GSE1: variants seen among roughly 807,000 people sequenced by gnomAD.
GSE1 encodes Gse1 coiled-coil protein, also known as genetic suppressor element 1.
In GSE1, 32 loss-of-function variants were observed where a neutral mutation model predicts 112.6. The observed-to-expected ratio is 0.28, with a 90% CI of 0.21 to 0.38. The LOEUF (loss-of-function observed/expected upper bound fraction) is 0.38. Ranked by LOEUF, GSE1 falls within the 10% of genes least tolerant of loss-of-function variation. GSE1 has a pLI of 1.00. For synonymous variants in GSE1, 1,115 were observed against 735.6 expected (o/e 1.52, Z -8.35); for missense variants, 2,348 against 1,699.2 (o/e 1.38, Z -6.71).
rs565328397 is a variant in GSE1 at position 85,673,451 on chromosome 16, T to C, written c.*912T>C. ...TGTTTGTTTTTCCTGTTTGGGGGTT[T>C]TGTTTGTTGTTTTGGTTTTTTTTGG... On this transcript the variant is annotated 3_prime_UTR_variant, in exon 16 of 16. Coordinates refer to ENST00000253458, the MANE Select transcript of GSE1 (RefSeq NM_014615.5). The C allele has an allele frequency of 2.0e-5, 3 of 152,036 alleles. No homozygotes were observed. Among genetic ancestry groups the C allele is most frequent in the South Asian group, 2.1e-4 (1 of 4,802 alleles). The allele number at this position is 152,036 out of a possible 1,614,324, so 9.4% of individuals were successfully genotyped here.
intron 2 of GSE1, among the ~76,000 whole-genome samples, chr16:85,647,849 T>C (rs1336300685): frequency 6.6e-6 from 1 of 152,148 alleles, no homozygotes; most frequent in Non-Finnish European, 1.5e-5. Flanking sequence ...CCTCCCAAAG[T>C]GCTGGGATTA....
At chr16:85,322,059 C>T (rs527680309) in intron 1 of GSE1, among the ~76,000 whole-genome samples, 143 of 152,348 alleles carry the variant, frequency 9.4e-4, no homozygotes, top group Middle Eastern at 3.4e-3. Context: ...GTGGAGCCTG[C>T]GTGGGAAGGT....
intron 1 of GSE1, among the ~76,000 whole-genome samples, chr16:85,176,265 C>T (rs1316244146): frequency 3.3e-5 from 5 of 152,224 alleles, no homozygotes; most frequent in Non-Finnish European, 7.3e-5. Context: ...TGTGGGTCTG[C>T]AGTTGTGGAG....
intron 1 of GSE1, among the ~76,000 whole-genome samples, chr16:85,326,798 G>A (rs888051536): frequency 1.3e-5 from 2 of 152,248 alleles, no homozygotes; most frequent in Non-Finnish European, 2.9e-5. Context: ...GCAAGCACGT[G>A]TGGGCACCTA....
intron 1 of GSE1, among the ~76,000 whole-genome samples, chr16:85,248,329 G>C (rs1202395064): frequency 6.6e-6 from 1 of 152,078 alleles, no homozygotes; most frequent in Non-Finnish European, 1.5e-5. Context: ...TCTGTGTCCT[G>C]TGCTGCCATC....
chr16:85,537,587 A>T (rs2044374483), intron 2 of GSE1, among the ~76,000 whole-genome samples: 1 of 152,180 alleles, frequency 6.6e-6, no homozygotes, highest in Admixed American at 6.5e-5. Flanking sequence ...TTCCAGAGCC[A>T]TAGGGCTCAC....
chr16:85,402,607 A>G (rs907071959), intron 2 of GSE1, among the ~76,000 whole-genome samples: 4 of 152,190 alleles, frequency 2.6e-5, no homozygotes, highest in Non-Finnish European at 5.9e-5. Context: ...TGGGCCTGCC[A>G]GTTACCTCTG....
intron 13 of GSE1, among the ~76,000 whole-genome samples, 180 bp from the exon 14 acceptor site, chr16:85,667,960 T>C (rs1422826914): frequency 3.3e-5 from 2 of 60,272 alleles, no homozygotes; most frequent in Non-Finnish European, 6.8e-5. Flanking sequence ...TGTCTCGGAC[T>C]TTCTCAAGTG....
intron 2 of GSE1, among the ~76,000 whole-genome samples, chr16:85,444,230 C>T (rs1219920743): frequency 2.6e-5 from 4 of 152,108 alleles, no homozygotes; most frequent in Non-Finnish European, 5.9e-5. Context: ...GTGACCCTCC[C>T]GCCTCGGCCT....
chr16:85,205,570 C>G (rs1329200679), intron 1 of GSE1, among the ~76,000 whole-genome samples: 1 of 152,008 alleles, frequency 6.6e-6, no homozygotes, highest in Admixed American at 6.5e-5. Context: ...TTTTTCCTTC[C>G]CTAGTTTCCC....
chr16:85,335,768 G>T (rs1309664281), intron 1 of GSE1, among the ~76,000 whole-genome samples: 1 of 152,204 alleles, frequency 6.6e-6, no homozygotes, highest in Non-Finnish European at 1.5e-5. Flanking sequence ...GTCCATTTCG[G>T]AGTTGGGAAC....
intron 1 of GSE1, among the ~76,000 whole-genome samples, chr16:85,619,181 C>T (rs966362415): frequency 6.6e-6 from 1 of 152,186 alleles, no homozygotes; most frequent in Non-Finnish European, 1.5e-5. Context: ...CACATGCACA[C>T]CACTGCCCCC....
At chr16:85,210,391 C>T (rs183387846) in intron 1 of GSE1, among the ~76,000 whole-genome samples, 7 of 152,270 alleles carry the variant, frequency 4.6e-5, no homozygotes, top group Non-Finnish European at 7.4e-5. Flanking sequence ...ATTGCTTGAG[C>T]CCAGGAGTTA....
At chr16:85,298,538 C>T (rs1425625855) in intron 1 of GSE1, among the ~76,000 whole-genome samples, 1 of 152,218 alleles carries the variant, frequency 6.6e-6, no homozygotes. Context: ...AGCAATTCTC[C>T]TGCTTCGGCC....
At chr16:85,330,001 C>A (rs2046305802) in intron 1 of GSE1, among the ~76,000 whole-genome samples, 1 of 152,144 alleles carries the variant, frequency 6.6e-6, no homozygotes, top group South Asian at 2.1e-4. Flanking sequence ...TTTCTGCCCC[C>A]TGGCAGATGC....
At chr16:85,285,692 AAAAAAAAAG>A (rs1336168493) in intron 1 of GSE1, 34 of 153,880 alleles carry the variant, frequency 2.2e-4, no homozygotes, top group African/African-American at 7.9e-4. Flanking sequence ...CAAAAAAAAA[AAAAAAAAAG>A]AAAGAAAGAA....
intron 1 of GSE1, among the ~76,000 whole-genome samples, chr16:85,220,666 T>C (rs1273534006): frequency 6.6e-6 from 1 of 152,212 alleles, no homozygotes; most frequent in Non-Finnish European, 1.5e-5. Flanking sequence ...CGTCTCGCTT[T>C]GTCTCTGTCT....
chr16:85,581,823 G>C (rs890030281), intron 1 of GSE1, among the ~76,000 whole-genome samples: 1 of 152,160 alleles, frequency 6.6e-6, no homozygotes, highest in Admixed American at 6.5e-5. Context: ...GGCTTCCCCT[G>C]CTGAAGTTCC....
intron 1 of GSE1, among the ~76,000 whole-genome samples, chr16:85,336,420 T>G (rs922301194): frequency 2.0e-5 from 3 of 152,138 alleles, no homozygotes; most frequent in African/African-American, 7.2e-5. Flanking sequence ...TGCCGACCAG[T>G]CGGTGGCGTT....
Sources: allele counts gnomAD v4.1 joint callset (sites outside exome capture counted in the v4.1 genomes callset), GRCh38; gene constraint gnomAD v4.1.1; transcripts MANE v1.5; gene names NCBI Gene and HGNC (gene_info 2026-07-23, HGNC 2026-07-21).